Variants in RBMS2 observed in about 807,000 individuals in gnomAD.
The protein encoded by RBMS2 is RNA-binding motif, single-stranded-interacting protein 2.
Under a neutral mutation model 58.4 loss-of-function variants are expected in RBMS2, and 38 were observed. The observed-to-expected ratio is 0.65, with a 90% CI of 0.50 to 0.85. The LOEUF is 0.85. Ranked by LOEUF, RBMS2 falls within the 40% of genes least tolerant of loss-of-function variation. The pLI is 0.00. For missense variants in RBMS2, 367 were observed against 503.7 expected, an observed-to-expected ratio of 0.73 and a Z score of 2.60; for synonymous variants, 151 against 180.7, an observed-to-expected ratio of 0.84 and a Z score of 1.32.
At chr12:56,580,055 G>A (rs1333649569) in intron 5 of RBMS2, among the ~76,000 whole-genome samples, 1 of 151,536 alleles carries the variant, frequency 6.6e-6, no homozygotes, top group Non-Finnish European at 1.5e-5. Context: ...TCAGCCTCCC[G>A]AGTAGCTGGG....
Position 56,562,532 on chromosome 12 carries a change from G to A in RBMS2, c.182G>A (p.Arg61Gln), listed in dbSNP as rs780949661. ...DQLSKTNLYI[R>Q]GLQPGTTDQD... ...CTGAGCAAAACCAACCTATACATCC[G>A]AGGATTGCAACCAGGCACTACTGAC... The change falls in exon 2 of 14, where the codon CGA becomes CAA. Residue 61 changes from arginine to glutamine, a missense_variant. Arg to Gln is a conservative substitution (Grantham distance 43). Around this residue, in one of 3 missense-constraint regions of RBMS2, gnomAD observed 93 missense variants for 132.2 expected, o/e 0.70. Coordinates refer to ENST00000262031, the MANE Select transcript of RBMS2 (RefSeq NM_002898.4). 7.4e-6 allele frequency: 12 copies of A among 1,612,986 alleles called. No individual in the cohort carries two copies. Among genetic ancestry groups the A allele is most frequent in the East Asian group, 2.2e-5 (1 of 44,876 alleles).
intron 1 of RBMS2, among the ~76,000 whole-genome samples, chr12:56,523,498 G>T (rs1044272721): frequency 3.3e-5 from 5 of 152,136 alleles, no homozygotes; most frequent in Non-Finnish European, 5.9e-5. Flanking sequence ...AAAGAAATGA[G>T]GCTGGGCATG....
intron 1 of RBMS2, among the ~76,000 whole-genome samples, chr12:56,547,808 C>T (rs1451353818): frequency 2.0e-5 from 3 of 151,836 alleles, no homozygotes; most frequent in Non-Finnish European, 4.4e-5. Context: ...ACTACCACGC[C>T]TGGCTAATTT....
chr12:56,542,464 A>G (rs1285153780), intron 1 of RBMS2, among the ~76,000 whole-genome samples: 3 of 147,320 alleles, frequency 2.0e-5, no homozygotes, highest in Middle Eastern at 3.2e-3. Flanking sequence ...TATTTAAAGT[A>G]TGGGTTTTTT....
chr12:56,588,803 C>G (rs543297091), intron 12 of RBMS2, 129 bp from the exon 13 acceptor site: 37 of 810,806 alleles, frequency 4.6e-5, no homozygotes, highest in African/African-American at 1.7e-4. Flanking sequence ...TGGAAACACT[C>G]ACACATGAGT....
rs112643239 is a variant in RBMS2 at position 56,562,362 on chromosome 12, C to T, written c.67-55C>T. On this transcript the variant is annotated intron_variant, in intron 1 of 13. Transcript: ENST00000262031. ...TTCAAGAGGTCCAGGATCTTCCTCA[C>T]TCTCCAACATGTAAATGGATAATCC... The T allele has an allele frequency of 1.9e-5, 29 of 1,497,174 alleles. 1 individual carries two copies. In the African/African-American group the frequency reaches 2.5e-4, roughly 13 times the overall value. The allele number at this position is 1,497,174 out of a possible 1,614,324, so 92.7% of individuals were successfully genotyped here. A position where few individuals can be genotyped will look rare whatever the true frequency, so the allele number is the denominator to read the frequency against.
chr12:56,582,583 T>G (rs1336040915), intron 9 of RBMS2, among the ~76,000 whole-genome samples: 4 of 152,122 alleles, frequency 2.6e-5, no homozygotes, highest in Non-Finnish European at 4.4e-5. Context: ...ATCTGAGAAT[T>G]TTTAGAAACA....
chr12:56,542,897 T>TTTTA (rs753325743), intron 1 of RBMS2, among the ~76,000 whole-genome samples: 121 of 151,312 alleles, frequency 8.0e-4, no homozygotes, highest in Middle Eastern at 6.8e-3. Flanking sequence ...TTTTTATTAT[T>TTTTA]TTTATTTATT....
At chr12:56,546,995 T>C (rs1445863916) in intron 1 of RBMS2, among the ~76,000 whole-genome samples, 1 of 152,128 alleles carries the variant, frequency 6.6e-6, no homozygotes, top group African/African-American at 2.4e-5. Context: ...TTCTAGTAGG[T>C]ATAAAGTGAT....
At chr12:56,578,851 G>C (rs1883507577) in intron 5 of RBMS2, among the ~76,000 whole-genome samples, 1 of 152,138 alleles carries the variant, frequency 6.6e-6, no homozygotes, top group East Asian at 1.9e-4. Context: ...TGTAATCCCA[G>C]CTACTTGGGA....
chr12:56,592,257 A>G lies in RBMS2; in HGVS notation c.*3124A>G, dbSNP rs1176618163. 1 of 152,224 alleles carries G rather than the reference A, an allele frequency of 6.6e-6. No homozygotes were observed. Among genetic ancestry groups the G allele is most frequent in the Non-Finnish European group, 1.5e-5 (1 of 68,080 alleles). 9.4% of individuals were successfully genotyped at this position (152,224 alleles called of 1,614,324 possible). The stretch of plus-strand genomic sequence containing the variant: ...TCACCCCCACTCATTACAGATGCTC[A>G]TAACATTCTTAAAATATTTTAGTAC... On this transcript the variant is annotated 3_prime_UTR_variant, in exon 14 of 14. Transcript: ENST00000262031.
rs993121089 is a variant in RBMS2 at position 56,571,767 on chromosome 12, G to A, written c.454G>A (p.Glu152Lys). ...ACTGTCAATGGATGAGCAGGAACTG[G>A]AGGGGATGCTGAAGCCCTTTGGCCA... Reference protein sequence around the residue: ...LPLSMDEQELEGMLKPFGQVI... With the variant: ...LPLSMDEQELKGMLKPFGQVI... Residue 152 changes from glutamate (E) to lysine (K), a missense_variant, in exon 5 of 14, where the codon GAG becomes AAG. By Grantham distance (56) the Glu-to-Lys change is moderately conservative (BLOSUM62 1). Coordinates refer to ENST00000262031, the MANE Select transcript of RBMS2 (RefSeq NM_002898.4). The A allele has an allele frequency of 3.1e-6, 5 of 1,603,540 alleles. No individual in the cohort carries two copies. Among genetic ancestry groups the A allele is most frequent in the Non-Finnish European group, 4.3e-6 (5 of 1,173,732 alleles).
chr12:56,565,582 G>A (rs955811114), intron 2 of RBMS2, among the ~76,000 whole-genome samples: 1 of 152,126 alleles, frequency 6.6e-6, no homozygotes, highest in Admixed American at 6.6e-5. Context: ...AGCCCAAAAG[G>A]GGACTGTGGA....
intron 9 of RBMS2, among the ~76,000 whole-genome samples, chr12:56,585,942 G>A (rs887729878): frequency 6.6e-6 from 1 of 152,178 alleles, no homozygotes; most frequent in African/African-American, 2.4e-5. Flanking sequence ...CAGCACTGTG[G>A]GAGGCTGAGG....
intron 1 of RBMS2, among the ~76,000 whole-genome samples, chr12:56,554,280 G>A (rs886309916): frequency 6.6e-6 from 1 of 152,120 alleles, no homozygotes; most frequent in Non-Finnish European, 1.5e-5. Flanking sequence ...TTTGTGGAAA[G>A]CATATTTAAA....
At chr12:56,521,763 G>A (rs3782235), upstream of RBMS2, among the ~76,000 whole-genome samples, 59,661 of 151,584 alleles carry the variant, frequency 0.39, 13,604 homozygotes, top group East Asian at 0.6. Context: ...AGGACCCAGT[G>A]GAAGTGCCTC....
At chr12:56,579,285 G>A (rs1296476575) in intron 5 of RBMS2, among the ~76,000 whole-genome samples, 1 of 152,136 alleles carries the variant, frequency 6.6e-6, no homozygotes, top group Non-Finnish European at 1.5e-5. Context: ...ACAGCTCTAC[G>A]ATACCTAATG....
chr12:56,585,578 T>C (rs575562196), intron 9 of RBMS2, among the ~76,000 whole-genome samples: 4 of 152,376 alleles, frequency 2.6e-5, no homozygotes, highest in South Asian at 4.1e-4. Context: ...TCATTCTTTT[T>C]ATAGCTGAAT....
chr12:56,579,388 T>G (rs1883585363), intron 5 of RBMS2, among the ~76,000 whole-genome samples: 1 of 152,192 alleles, frequency 6.6e-6, no homozygotes, highest in African/African-American at 2.4e-5. Context: ...CCCAGCACTT[T>G]GGGAGGATGA....
Sources: gnomAD v4.1 joint callset for allele counts (sites outside exome capture counted in the v4.1 genomes callset) on GRCh38, gnomAD v4.1.1 for gene constraint, gnomAD v4.1.1 regional missense constraint, MANE v1.5 for transcripts, NCBI Gene and HGNC (gene_info 2026-07-23, HGNC 2026-07-21) for gene names.